Variants in ADAMTSL1 observed in about 807,000 individuals in gnomAD.
ADAMTSL1 encodes the protein ADAMTS-like protein 1.
In ADAMTSL1, 126 loss-of-function variants were observed where a neutral mutation model predicts 201.8. The ratio of observed to expected loss-of-function variants is 0.62; its 90% CI spans 0.54 to 0.72. The LOEUF is 0.72. Ranked by LOEUF, ADAMTSL1 falls within the 30% of genes least tolerant of loss-of-function variation. The pLI is 0.00. For synonymous variants in ADAMTSL1, 1,121 were observed against 903.4 expected (o/e 1.24, Z -4.32); for missense variants, 2,679 against 2,277.8 (o/e 1.18, Z -3.59).
rs1471469558 is a variant in ADAMTSL1, at chr9:18,767,277, A to G, written c.2218-3325A>G. ...ATCAGCACAAACTTGTTTCTTTCCA[A>G]CAATTGTGGTTTCAGAAAAATTACA... is the stretch of plus-strand genomic sequence containing the variant. On this transcript the variant is annotated intron_variant, in intron 16 of 28. Coordinates refer to ENST00000380548, the MANE Select transcript of ADAMTSL1 (RefSeq NM_001040272.6). Among the ~76,000 whole-genome samples the G allele has an allele frequency of 2.0e-5, 3 of 152,350 alleles. No homozygotes were observed. In the East Asian group the frequency reaches 5.8e-4, roughly 29 times the overall value.
At chr9:18,563,225 C>G (rs1415885608) in intron 3 of ADAMTSL1, among the ~76,000 whole-genome samples, 2 of 152,154 alleles carry the variant, frequency 1.3e-5, no homozygotes, top group Non-Finnish European at 2.9e-5. Flanking sequence ...GATGTTGATA[C>G]TATTCCTTTC....
chr9:18,840,165 T>G (rs900987624), intron 23 of ADAMTSL1, among the ~76,000 whole-genome samples: 13 of 150,872 alleles, frequency 8.6e-5, no homozygotes, highest in Admixed American at 6.6e-4. Flanking sequence ...TTTTATGGTT[T>G]TAGGTCTAAC....
intron 2 of ADAMTSL1, among the ~76,000 whole-genome samples, chr9:18,436,070 A>T (rs1819717812): frequency 6.6e-6 from 1 of 152,204 alleles, no homozygotes; most frequent in South Asian, 2.1e-4. Flanking sequence ...AGGCCAGGGA[A>T]ACAGCAAGAA....
chr9:18,806,352 T>C (rs371473299), intron 20 of ADAMTSL1, among the ~76,000 whole-genome samples: 3 of 152,234 alleles, frequency 2.0e-5, no homozygotes, highest in Admixed American at 6.5e-5. Context: ...TCCATGCTCA[T>C]AGCTAACTGC....
chr9:18,028,450 C>G lies in ADAMTSL1; in HGVS notation c.87+121528C>G, dbSNP rs541238183. Among the ~76,000 whole-genome samples, 67 of 152,196 alleles carry G rather than the reference C, an allele frequency of 4.4e-4. No homozygotes were observed. The East Asian group carries it at 0.012, about 28-fold the overall frequency. ...AGAATGCTGAAAACAGGTCTCCAAT[C>G]TTTTCTGGCTTGTAAGGTTTCTGCT... On this transcript the variant is annotated intron_variant, in intron 1 of 29. Transcript: ENST00000680146.
chr9:18,675,711 T>C (rs892078770), intron 9 of ADAMTSL1, 146 bp from the exon 10 acceptor site: 1 of 706,516 alleles, frequency 1.4e-6, no homozygotes, highest in African/African-American at 1.8e-5. Context: ...CATAAAGATA[T>C]AAAACTGTTT....
At chr9:18,498,212 T>C (rs1311326689) in intron 1 of ADAMTSL1, among the ~76,000 whole-genome samples, 1 of 151,822 alleles carries the variant, frequency 6.6e-6, no homozygotes, top group East Asian at 1.9e-4. Flanking sequence ...ATTTGTAGCA[T>C]GGGGGTGGGG....
intron 2 of ADAMTSL1, among the ~76,000 whole-genome samples, chr9:18,397,249 T>G (rs1817790522): frequency 6.6e-6 from 1 of 152,160 alleles, no homozygotes; most frequent in African/African-American, 2.4e-5. Flanking sequence ...TGAGAGTGCC[T>G]TGCTTCCTTT....
intron 1 of ADAMTSL1, among the ~76,000 whole-genome samples, chr9:18,048,963 T>C (rs982137726): frequency 2.6e-5 from 4 of 152,162 alleles, no homozygotes; most frequent in African/African-American, 9.7e-5. Context: ...CTGGAGGCTT[T>C]GAGAGGAGGA....
intron 1 of ADAMTSL1, among the ~76,000 whole-genome samples, chr9:17,979,526 A>AT (rs35573329): frequency 0.028 from 4,130 of 146,426 alleles, 71 homozygotes; most frequent in Middle Eastern, 0.07. Flanking sequence ...TCAGCCATGG[A>AT]TTTTTTTTTT....
At chr9:18,080,382 A>G (rs544499105) in intron 1 of ADAMTSL1, among the ~76,000 whole-genome samples, 2 of 152,334 alleles carry the variant, frequency 1.3e-5, no homozygotes, top group East Asian at 3.9e-4. Context: ...GATACCTACA[A>G]GATGCCTCTG....
At chr9:18,780,922 T>A (rs1043568553) in intron 19 of ADAMTSL1, among the ~76,000 whole-genome samples, 1 of 152,242 alleles carries the variant, frequency 6.6e-6, no homozygotes, top group South Asian at 2.1e-4. Flanking sequence ...AGCATTCCAA[T>A]GTGTGTTGTG....
At chr9:18,229,771 C>G (rs1182614103) in intron 2 of ADAMTSL1, among the ~76,000 whole-genome samples, 1 of 151,836 alleles carries the variant, frequency 6.6e-6, no homozygotes, top group Non-Finnish European at 1.5e-5. Context: ...TCTTGGCTCA[C>G]TGCAACCTCC....
At chr9:18,588,884 C>CATATATATCTATATATATATATATATAT (rs1823709008) in intron 4 of ADAMTSL1, among the ~76,000 whole-genome samples, 1 of 122,856 alleles carries the variant, frequency 8.1e-6, no homozygotes, top group Admixed American at 8.2e-5. Flanking sequence ...TATACATATA[C>CATATATATCTATATATATATATATATAT]ATATATATAT....
intron 2 of ADAMTSL1, among the ~76,000 whole-genome samples, chr9:18,387,723 C>T (rs1042694067): frequency 5.3e-5 from 8 of 151,824 alleles, no homozygotes; most frequent in African/African-American, 1.7e-4. Context: ...TTTAGATTTT[C>T]TTTAAGACAG....
intron 4 of ADAMTSL1, among the ~76,000 whole-genome samples, chr9:18,606,115 G>A (rs1824996441): frequency 6.6e-6 from 1 of 152,146 alleles, no homozygotes; most frequent in Non-Finnish European, 1.5e-5. Flanking sequence ...GCTGAGTTCA[G>A]TTTGTTTCCA....
At chr9:18,222,642 CTCTTT>C (rs996171625) in intron 2 of ADAMTSL1, among the ~76,000 whole-genome samples, 1 of 133,980 alleles carries the variant, frequency 7.5e-6, no homozygotes, top group Non-Finnish European at 1.6e-5. Context: ...TACTCATATA[CTCTTT>C]TTTTTTTTTT....
At chr9:18,261,752 T>C (rs369479769) in intron 2 of ADAMTSL1, among the ~76,000 whole-genome samples, 16 of 152,298 alleles carry the variant, frequency 1.1e-4, no homozygotes, top group African/African-American at 3.6e-4. Context: ...GACCTTGTAT[T>C]TACTAAAAGC....
chr9:18,060,898 T>C (rs1388436245), intron 1 of ADAMTSL1, among the ~76,000 whole-genome samples: 1 of 152,208 alleles, frequency 6.6e-6, no homozygotes, highest in Non-Finnish European at 1.5e-5. Flanking sequence ...ATGGCAAACA[T>C]TTAAAAACTT....
Sources: gnomAD v4.1 joint callset for allele counts (sites outside exome capture counted in the v4.1 genomes callset) on GRCh38, gnomAD v4.1.1 for gene constraint, MANE v1.5 for transcripts, NCBI Gene and HGNC (gene_info 2026-07-23, HGNC 2026-07-21) for gene names.